TMEM39B: variants seen among roughly 807,000 people sequenced by gnomAD.
The protein encoded by TMEM39B is transmembrane protein 39B.
TMEM39B carries 23 observed loss-of-function variants against 52.2 expected under a neutral mutation model. The ratio of observed to expected loss-of-function variants is 0.44; its 90% CI spans 0.32 to 0.62. The LOEUF is 0.62. TMEM39B is among the 20% of genes least tolerant of loss of function. The pLI is 0.06. For synonymous variants in TMEM39B, 285 were observed against 264.0 expected, an observed-to-expected ratio of 1.08 and a Z score of -0.77; for missense variants, 547 against 642.0, an observed-to-expected ratio of 0.85 and a Z score of 1.60.
chr1:32,102,739 G>C lies in TMEM39B; in HGVS notation c.*66G>C. The C allele has an allele frequency of 7.1e-7, 1 of 1,404,072 alleles. No individual in the cohort carries two copies. The highest frequency in any genetic ancestry group is 1.5e-5 in the African/African-American group (1 of 68,598). The allele number at this position is 1,404,072 out of a possible 1,614,324, so 87.0% of individuals were successfully genotyped here. A position where few individuals can be genotyped will look rare whatever the true frequency, so the allele number is the denominator to read the frequency against. On this transcript the variant is annotated 3_prime_UTR_variant, in exon 9 of 9. Coordinates refer to ENST00000336294, the MANE Select transcript of TMEM39B (RefSeq NM_018056.4). ...AAGGGCTCCCTGGCAAGGGGCTGTT[G>C]GGTAGAAGTGGTGGTGGGGGGGACA...
At chr1:32,081,964 A>G (rs1640116297) in intron 5 of TMEM39B, among the ~76,000 whole-genome samples, 2 of 152,278 alleles carry the variant, frequency 1.3e-5, no homozygotes, top group South Asian at 2.1e-4. Flanking sequence ...TACCACATAC[A>G]CACATATGCA....
chr1:32,086,061 G>GT (rs1282043259), intron 5 of TMEM39B, among the ~76,000 whole-genome samples: 1 of 152,084 alleles, frequency 6.6e-6, no homozygotes, highest in Non-Finnish European at 1.5e-5. Flanking sequence ...AAAGGGAGTG[G>GT]TGGGGGTGTT....
chr1:32,073,249 G>A (rs1277343581), intron 1 of TMEM39B, 198 bp downstream of exon 1: 1 of 653,162 alleles, frequency 1.5e-6, no homozygotes, highest in Non-Finnish European at 2.3e-6. Context: ...ATTGGACGGT[G>A]GGCGGGGCTT....
At chr1:32,086,248 C>T (rs1379252353) in intron 5 of TMEM39B, among the ~76,000 whole-genome samples, 2 of 152,138 alleles carry the variant, frequency 1.3e-5, no homozygotes, top group East Asian at 3.8e-4. Flanking sequence ...ACTTCATCTT[C>T]TATCATATGT....
intron 5 of TMEM39B, among the ~76,000 whole-genome samples, chr1:32,084,738 T>C (rs1405616171): frequency 6.6e-6 from 1 of 152,012 alleles, no homozygotes; most frequent in Non-Finnish European, 1.5e-5. Context: ...CAGCTAATTT[T>C]TGTATTTTTA....
chr1:32,102,447 C>T lies in TMEM39B; in HGVS notation c.1253C>T (p.Pro418Leu). The stretch of plus-strand genomic sequence containing the variant: ...TCCGGGCAGTTCTTTTTCAGCAAAC[C>T]CCTGCGGATCCTCAACATCCTCCTG... ...HFRFHFFFSK[P>L]LRILNILLLL... is the part of the protein sequence containing the mutation. The change falls in exon 9 of 9, where the codon CCC (proline) becomes CTC (leucine). Residue 418 changes from proline (P) to leucine (L), a missense_variant. Coordinates refer to ENST00000336294, the MANE Select transcript of TMEM39B (RefSeq NM_018056.4). The T allele has an allele frequency of 6.2e-7, 1 of 1,613,784 alleles. No homozygotes were observed. The highest frequency in any genetic ancestry group is 8.5e-7 in the Non-Finnish European group (1 of 1,179,844).
At chr1:32,099,773 G>A (rs1381335366) in intron 7 of TMEM39B, among the ~76,000 whole-genome samples, 3 of 152,164 alleles carry the variant, frequency 2.0e-5, no homozygotes, top group Non-Finnish European at 2.9e-5. Flanking sequence ...AGGACCAGGC[G>A]CTGTGGCTGA....
intron 5 of TMEM39B, among the ~76,000 whole-genome samples, chr1:32,084,474 A>T (rs184949268): frequency 9.2e-5 from 14 of 152,284 alleles, no homozygotes; most frequent in African/African-American, 3.4e-4. Context: ...TACTTTAACA[A>T]TGGGTACGTT....
chr1:32,088,274 G>A (rs369575909), intron 5 of TMEM39B, among the ~76,000 whole-genome samples: 5 of 150,428 alleles, frequency 3.3e-5, no homozygotes, highest in African/African-American at 9.8e-5. Flanking sequence ...AAAATTAGTC[G>A]GGTATAGTGG....
chr1:32,073,275 G>T, intron 1 of TMEM39B: 2 of 566,618 alleles, frequency 3.5e-6, no homozygotes, highest in Non-Finnish European at 5.6e-6. Context: ...ACGAAGCCCT[G>T]TGGGGGCTTG....
intron 3 of TMEM39B, chr1:32,076,310 C>A: frequency 3.6e-6 from 1 of 278,820 alleles, no homozygotes; most frequent in Non-Finnish European, 7.2e-6. Context: ...AGGGTTTCAC[C>A]ATGTTGGTCA....
intron 6 of TMEM39B, among the ~76,000 whole-genome samples, chr1:32,093,011 C>G (rs1640667113): frequency 6.6e-6 from 1 of 152,176 alleles, no homozygotes; most frequent in Non-Finnish European, 1.5e-5. Flanking sequence ...TTGAGTGATC[C>G]CAAAAGCCTG....
In TMEM39B at chr1:32,096,197, T is replaced by C. The variant is rs1411287950; in HGVS notation, c.1115+1226T>C. ...CTTTTGCTTGGGATGGTCTTTCCAT[T>C]CTTTCTATCCTGATTAACTCCTATT... On this transcript the variant is annotated intron_variant, in intron 7 of 8. Coordinates refer to ENST00000336294, the MANE Select transcript of TMEM39B (RefSeq NM_018056.4). Among the ~76,000 whole-genome samples, 4 of 152,238 alleles carry C rather than the reference T, an allele frequency of 2.6e-5. No individual in the cohort carries two copies. In the East Asian group the frequency reaches 7.7e-4, roughly 29 times the overall value.
At chr1:32,076,067 C>G (rs1639845265) in intron 3 of TMEM39B, 2 of 341,840 alleles carry the variant, frequency 5.9e-6, no homozygotes, top group Non-Finnish European at 1.1e-5. Flanking sequence ...AAGATTTTGC[C>G]TAAAGGAGCT....
chr1:32,081,219 C>T (rs1640083068), intron 5 of TMEM39B, among the ~76,000 whole-genome samples: 1 of 145,566 alleles, frequency 6.9e-6, no homozygotes, highest in African/African-American at 2.6e-5. Flanking sequence ...TGTTTGTTTA[C>T]AGACAGAGTC....
intron 1 of TMEM39B, among the ~76,000 whole-genome samples, chr1:32,074,218 C>T (rs535240393): frequency 1.4e-4 from 22 of 152,240 alleles, no homozygotes; most frequent in African/African-American, 5.3e-4. Context: ...CTGGGTCCTG[C>T]CCATGAGATC....
chr1:32,075,009 A>G lies in TMEM39B; in HGVS notation c.63A>G (p.Gly21=). The G allele has an allele frequency of 6.4e-7, 1 of 1,551,566 alleles. No homozygotes were observed. Among genetic ancestry groups the G allele is most frequent in the South Asian group, 1.2e-5 (1 of 84,044 alleles). The part of the protein sequence containing the change: ...SYCRNPLCEP[G]SSGGSSGSHT... ...GTCGAAATCCGCTCTGTGAGCCGGG[A>G]TCCTCGGGGGGCTCTAGTGGAAGCC... Residue 21 remains glycine, a synonymous_variant, in exon 2 of 9, where the codon GGA becomes GGG. Transcript: ENST00000336294.
rs34793281 is a variant in TMEM39B, at chr1:32,093,399, CTTTTTTTTT to C, written c.928-1363_928-1355del. On this transcript the variant is annotated intron_variant, in intron 6 of 8. Transcript: ENST00000336294. ...TAGCCATGAGCCACCAAGCCCGGCC[CTTTTTTTTT>C]TTTTTTTTTTTTTTTTTTTTTAAGA... Among the ~76,000 whole-genome samples, 232 of 50,328 alleles carry C rather than the reference CTTTTTTTTT, an allele frequency of 4.6e-3. 3 individuals carry two copies. Among genetic ancestry groups the C allele is most frequent in the African/African-American group, 0.012 (213 of 18,434 alleles). The allele number at this position is 50,328 out of a possible 152,430, so 33.0% of individuals were successfully genotyped here. A position where few individuals can be genotyped will look rare whatever the true frequency, so the allele number is the denominator to read the frequency against.
intron 3 of TMEM39B, 25 bp from the exon 4 acceptor site, chr1:32,076,737 AC>A: frequency 6.2e-7 from 1 of 1,612,024 alleles, no homozygotes; most frequent in Non-Finnish European, 8.5e-7. Flanking sequence ...GGCCCACATG[AC>A]CCCCAGGCCT....
Sources: allele counts gnomAD v4.1 joint callset (sites outside exome capture counted in the v4.1 genomes callset), GRCh38; gene constraint gnomAD v4.1.1; transcripts MANE v1.5; gene names NCBI Gene and HGNC (gene_info 2026-07-23, HGNC 2026-07-21).